The following SLC24A3 variants were observed in gnomAD, a reference collection of about 807,000 sequenced individuals.
SLC24A3 encodes sodium/potassium/calcium exchanger 3.
Under a neutral mutation model 75.8 loss-of-function variants are expected in SLC24A3, and 28 were observed. The observed-to-expected ratio is 0.37, with a 90% CI of 0.27 to 0.51. The LOEUF (loss-of-function observed/expected upper bound fraction) is 0.51. Ranked by LOEUF, SLC24A3 falls within the 20% of genes least tolerant of loss-of-function variation. The pLI, the probability that SLC24A3 is intolerant of heterozygous loss-of-function variation, is 0.94. For missense variants in SLC24A3, 663 were observed against 847.8 expected, an observed-to-expected ratio of 0.78 and a Z score of 2.71; for synonymous variants, 372 against 334.1, an observed-to-expected ratio of 1.11 and a Z score of -1.24.
intron 2 of SLC24A3, among the ~76,000 whole-genome samples, chr20:19,442,247 T>C (rs2122469758): frequency 6.6e-6 from 1 of 152,334 alleles, no homozygotes; most frequent in East Asian, 1.9e-4. Flanking sequence ...TGATCAATCA[T>C]ATGGTAAAAG....
At chr20:19,325,454 T>C (rs1372929294) in intron 2 of SLC24A3, among the ~76,000 whole-genome samples, 1 of 151,120 alleles carries the variant, frequency 6.6e-6, no homozygotes, top group Non-Finnish European at 1.5e-5. Flanking sequence ...CTCAAAAAAA[T>C]AAACAAACCA....
At chr20:19,506,461 T>C (rs148374213) in intron 2 of SLC24A3, among the ~76,000 whole-genome samples, 2 of 152,154 alleles carry the variant, frequency 1.3e-5, no homozygotes, top group Admixed American at 6.5e-5. Context: ...AGGGGGTAAT[T>C]TGTTCTTTCT....
intron 7 of SLC24A3, among the ~76,000 whole-genome samples, chr20:19,664,185 A>T (rs938889964): frequency 6.6e-6 from 1 of 152,218 alleles, no homozygotes; most frequent in African/African-American, 2.4e-5. Flanking sequence ...AATGTTTTCT[A>T]TCTTAAATAA....
intron 2 of SLC24A3, among the ~76,000 whole-genome samples, chr20:19,493,970 C>T (rs1305080550): frequency 6.6e-6 from 1 of 152,216 alleles, no homozygotes; most frequent in Non-Finnish European, 1.5e-5. Flanking sequence ...CTCCAACTTC[C>T]TTGGCCTAGC....
At chr20:19,654,218 C>A in intron 7 of SLC24A3, 82 bp downstream of exon 7, 1 of 1,272,844 alleles carries the variant, frequency 7.9e-7, no homozygotes, top group Non-Finnish European at 1.1e-6. Flanking sequence ...ACATGGAGTT[C>A]ACTCGAGGTC....
intron 2 of SLC24A3, among the ~76,000 whole-genome samples, chr20:19,312,216 T>C (rs1339504680): frequency 1.3e-5 from 2 of 152,140 alleles, no homozygotes; most frequent in Non-Finnish European, 1.5e-5. Flanking sequence ...CAAAGTTCCA[T>C]TTTCCCTTCA....
intron 2 of SLC24A3, among the ~76,000 whole-genome samples, chr20:19,430,668 T>TCACA (rs927224912): frequency 3.3e-5 from 5 of 152,166 alleles, no homozygotes; most frequent in African/African-American, 9.6e-5. Flanking sequence ...GACCACATAC[T>TCACA]CACACACACA....
chr20:19,381,971 G>A (rs966067210), intron 2 of SLC24A3, among the ~76,000 whole-genome samples: 1 of 152,156 alleles, frequency 6.6e-6, no homozygotes, highest in African/African-American at 2.4e-5. Flanking sequence ...TACAGCTTTG[G>A]ATAAAATGGA....
chr20:19,281,490 G>T (rs549168807), intron 2 of SLC24A3, among the ~76,000 whole-genome samples: 5 of 152,336 alleles, frequency 3.3e-5, no homozygotes, highest in Admixed American at 6.5e-5. Context: ...GAGACACAGG[G>T]ATTGGGCCGG....
At chr20:19,330,450 T>A (rs991094643) in intron 2 of SLC24A3, among the ~76,000 whole-genome samples, 2 of 152,226 alleles carry the variant, frequency 1.3e-5, no homozygotes, top group Non-Finnish European at 2.9e-5. Flanking sequence ...TTATCCTCTT[T>A]TATACAGAAG....
At chr20:19,405,573 A>G (rs570144603) in intron 2 of SLC24A3, among the ~76,000 whole-genome samples, 4 of 152,318 alleles carry the variant, frequency 2.6e-5, no homozygotes, top group Middle Eastern at 3.4e-3. Flanking sequence ...GTTAGATCAC[A>G]AGGGAGAAGC....
rs1373884069 is a variant in SLC24A3 at position 19,657,238 on chromosome 20, T to G, written c.687+3102T>G. ...TAAGAAGAAATAGAAAAGATAAAGT[T>G]TGAGTCCTCAAGGTTAGGTCTTGGT... On this transcript the variant is annotated intron_variant, in intron 7 of 16. Coordinates refer to ENST00000328041, the MANE Select transcript of SLC24A3 (RefSeq NM_020689.4). 3.3e-5 allele frequency among the ~76,000 whole-genome samples: 5 copies of G among 152,234 alleles called. No individual in the cohort carries two copies. In the East Asian group the frequency reaches 7.7e-4, roughly 23 times the overall value.
At chr20:19,658,346 G>T (rs1356120186) in intron 7 of SLC24A3, among the ~76,000 whole-genome samples, 3 of 152,218 alleles carry the variant, frequency 2.0e-5, no homozygotes, top group African/African-American at 7.2e-5. Context: ...GGCGGGGCAT[G>T]CCGAGGTGGA....
At chr20:19,614,355 C>G (rs1600303637) in intron 6 of SLC24A3, among the ~76,000 whole-genome samples, 1 of 152,218 alleles carries the variant, frequency 6.6e-6, no homozygotes, top group African/African-American at 2.4e-5. Flanking sequence ...AGAAAGTACT[C>G]AGTAAAAATG....
intron 2 of SLC24A3, among the ~76,000 whole-genome samples, chr20:19,287,327 C>T (rs1218036278): frequency 1.3e-5 from 2 of 152,180 alleles, no homozygotes. Flanking sequence ...TAGATGCTCA[C>T]CGATGCTCAC....
chr20:19,698,728 CTG>C, intron 15 of SLC24A3, 48 bp downstream of exon 15: 10 of 1,441,974 alleles, frequency 6.9e-6, no homozygotes, highest in South Asian at 1.2e-5. Context: ...GGCTACGTGA[CTG>C]TGTTTTAACA....
intron 1 of SLC24A3, among the ~76,000 whole-genome samples, chr20:19,235,318 G>A (rs1362099515): frequency 2.0e-5 from 3 of 152,322 alleles, no homozygotes; most frequent in South Asian, 2.1e-4. Flanking sequence ...AGGTAGGGTG[G>A]TGCTGTCGCC....
intron 2 of SLC24A3, among the ~76,000 whole-genome samples, chr20:19,362,132 G>A (rs1056654136): frequency 2.0e-5 from 3 of 152,216 alleles, no homozygotes; most frequent in Non-Finnish European, 4.4e-5. Flanking sequence ...TTCTTAATTA[G>A]GGGTAAGCCT....
intron 16 of SLC24A3, among the ~76,000 whole-genome samples, chr20:19,720,150 GCTGGACAGTACCA>G (rs1160852262): frequency 6.6e-6 from 1 of 152,246 alleles, no homozygotes; most frequent in Non-Finnish European, 1.5e-5. Context: ...CTACACCTGG[GCTGGACAGTACCA>G]CTGGCTATGG....
Sources: allele counts gnomAD v4.1 joint callset (sites outside exome capture counted in the v4.1 genomes callset), GRCh38; gene constraint gnomAD v4.1.1; transcripts MANE v1.5; gene names NCBI Gene and HGNC (gene_info 2026-07-23, HGNC 2026-07-21).